Variants in ANKS1B observed in about 807,000 individuals in gnomAD.
The protein encoded by ANKS1B is ankyrin repeat and sterile alpha motif domain containing 1B, also known as ankyrin repeat and sterile alpha motif domain-containing protein 1B.
ANKS1B carries 36 observed loss-of-function variants against 148.3 expected under a neutral mutation model. The ratio of observed to expected loss-of-function variants is 0.24; its 90% confidence interval spans 0.19 to 0.32. The LOEUF is 0.32. ANKS1B is among the 10% of genes least tolerant of loss of function. ANKS1B has a pLI of 1.00. For missense variants in ANKS1B, 1,157 were observed against 1,542.6 expected, an observed-to-expected ratio of 0.75 and a Z score of 4.19; for synonymous variants, 542 against 560.8, an observed-to-expected ratio of 0.97 and a Z score of 0.47.
intron 12 of ANKS1B, among the ~76,000 whole-genome samples, chr12:99,337,174 G>C: frequency 6.6e-6 from 1 of 151,870 alleles, no homozygotes; most frequent in African/African-American, 2.4e-5. Flanking sequence ...AAATTTTGTA[G>C]GTGTGCTTCA....
In ANKS1B at chr12:99,984,697, C is replaced by G. The variant is rs924654072; in HGVS notation, c.-460G>C. The G allele has an allele frequency of 1.3e-5, 2 of 152,340 alleles. No homozygotes were observed. The highest frequency in any genetic ancestry group is 4.8e-5 in the African/African-American group (2 of 41,358). The allele number at this position is 152,340 out of a possible 1,614,324, so 9.4% of individuals were successfully genotyped here. A position where few individuals can be genotyped will look rare whatever the true frequency, so the allele number is the denominator to read the frequency against. ...AGCAGCGGCCCGCGCGCCCTCGCGC[C>G]CGACCCGGGCTCGCCTCGGCTTCCT... On this transcript the variant is annotated 5_prime_UTR_variant, in exon 1 of 27. Coordinates refer to ENST00000683438, the MANE Select transcript of ANKS1B (RefSeq NM_001352186.2).
At chr12:99,553,816 C>T (rs1172775649) in intron 9 of ANKS1B, among the ~76,000 whole-genome samples, 1 of 152,134 alleles carries the variant, frequency 6.6e-6, no homozygotes, top group East Asian at 1.9e-4. Flanking sequence ...GGAATTGACC[C>T]GAGGCCTTTA....
At chr12:99,415,693 CT>C (rs1177921459) in intron 11 of ANKS1B, among the ~76,000 whole-genome samples, 1 of 151,606 alleles carries the variant, frequency 6.6e-6, no homozygotes, top group Non-Finnish European at 1.5e-5. Flanking sequence ...TCCCATTGCC[CT>C]TTTTTTTGAG....
intron 8 of ANKS1B, among the ~76,000 whole-genome samples, chr12:99,660,363 CTTTTT>C (rs71088137): frequency 4.1e-5 from 5 of 120,596 alleles, no homozygotes; most frequent in East Asian, 2.4e-4. Context: ...TTTTCTTTTT[CTTTTT>C]TTTTTTTTTT....
At chr12:99,623,077 G>A (rs1197849515) in intron 9 of ANKS1B, among the ~76,000 whole-genome samples, 1 of 151,872 alleles carries the variant, frequency 6.6e-6, no homozygotes, top group African/African-American at 2.4e-5. Flanking sequence ...TTCATTCCTG[G>A]GATGCAAAGT....
intron 8 of ANKS1B, among the ~76,000 whole-genome samples, chr12:99,742,078 A>G (rs1944023862): frequency 6.6e-6 from 1 of 152,014 alleles, no homozygotes; most frequent in South Asian, 2.1e-4. Context: ...ATACAGCGGA[A>G]CAATACACAC....
At chr12:99,489,681 T>A (rs144908694) in intron 10 of ANKS1B, among the ~76,000 whole-genome samples, 1 of 152,186 alleles carries the variant, frequency 6.6e-6, no homozygotes, top group Non-Finnish European at 1.5e-5. Context: ...AGCATCCTCA[T>A]AGATGCCTGT....
chr12:99,021,565 T>C (rs550266392), intron 17 of ANKS1B, among the ~76,000 whole-genome samples: 11 of 152,220 alleles, frequency 7.2e-5, no homozygotes, highest in African/African-American at 2.4e-4. Flanking sequence ...AGTTACATCA[T>C]AGGCACCACA....
intron 9 of ANKS1B, among the ~76,000 whole-genome samples, chr12:99,602,390 G>C (rs548192357): frequency 1.3e-5 from 2 of 152,150 alleles, no homozygotes; most frequent in South Asian, 4.2e-4. Context: ...CATATGGTGT[G>C]AGTAATCAGA....
intron 1 of ANKS1B, among the ~76,000 whole-genome samples, chr12:99,976,446 C>CT (rs1453511576): frequency 3.9e-5 from 6 of 152,008 alleles, no homozygotes; most frequent in Non-Finnish European, 8.8e-5. Context: ...GAAAAAAACG[C>CT]TTTTTTTCTG....
intron 12 of ANKS1B, among the ~76,000 whole-genome samples, chr12:99,321,175 C>A (rs2085192507): frequency 6.6e-6 from 1 of 152,226 alleles, no homozygotes; most frequent in African/African-American, 2.4e-5. Flanking sequence ...AGGAGGCAGT[C>A]TGTCCTTTCT....
At chr12:99,877,092 AC>A (rs1265938359) in intron 1 of ANKS1B, among the ~76,000 whole-genome samples, 8 of 150,036 alleles carry the variant, frequency 5.3e-5, no homozygotes, top group Non-Finnish European at 7.4e-5. Context: ...TACCCACTTC[AC>A]CCCCCCACCC....
chr12:99,962,194 T>G (rs1237595681), intron 1 of ANKS1B, among the ~76,000 whole-genome samples: 1 of 152,234 alleles, frequency 6.6e-6, no homozygotes, highest in South Asian at 2.1e-4. Flanking sequence ...CTAAGTTCTC[T>G]TCCCTAACCC....
intron 8 of ANKS1B, among the ~76,000 whole-genome samples, chr12:99,666,782 T>C (rs2098509368): frequency 1.3e-5 from 2 of 151,998 alleles, no homozygotes; most frequent in South Asian, 4.1e-4. Flanking sequence ...GGCATATTAT[T>C]TTGCTATATG....
intron 12 of ANKS1B, among the ~76,000 whole-genome samples, chr12:99,361,866 T>G (rs1225022730): frequency 6.6e-6 from 1 of 152,040 alleles, no homozygotes; most frequent in Non-Finnish European, 1.5e-5. Flanking sequence ...TTTGAATATA[T>G]TTTCTGTTCG....
At position 99,657,659 on chromosome 12, in the gene ANKS1B, A is replaced by ATATATATATATATATATATATATATT. The variant is rs66516058; in HGVS notation, c.1129-2450_1129-2449insAATATATATATATATATATATATATA. 1.0e-3 allele frequency among the ~76,000 whole-genome samples: 148 copies of ATATATATATATATATATATATATATT among 146,810 alleles called. 1 individual carries two copies. Among genetic ancestry groups the ATATATATATATATATATATATATATT allele is most frequent in the Middle Eastern group, 3.5e-3 (1 of 286 alleles). On this transcript the variant is annotated intron_variant, in intron 8 of 26. Transcript: ENST00000683438. ...AATCTGAAAGAGTATATATATATATATGATAAAGTTGTTCACAGGAATAAA... is the reference window on the plus strand; with the variant it reads ...AATCTGAAAGAGTATATATATATATATATATATATATATATATATATATATTTGATAAAGTTGTTCACAGGAATAAA...
chr12:98,834,112 G>A (rs1344922439), intron 17 of ANKS1B, among the ~76,000 whole-genome samples: 2 of 152,110 alleles, frequency 1.3e-5, no homozygotes, highest in African/African-American at 2.4e-5. Flanking sequence ...TGTTAGCCAA[G>A]GTGAATGTCC....
chr12:99,629,261 T>C lies in ANKS1B; in HGVS notation c.1272+25806A>G, dbSNP rs370030559. ...TAAGGGCAGGTGGCTGGTAGGTAGC[T>C]AGCATAGGTTGTTGGCTGAAAAACT... On this transcript the variant is annotated intron_variant, in intron 9 of 26. Transcript: ENST00000683438. Among the ~76,000 whole-genome samples the C allele has an allele frequency of 9.2e-5, 14 of 152,324 alleles. No homozygotes were observed. The East Asian group carries it at 1.2e-3, about 13-fold the overall frequency.
chr12:99,056,058 C>T (rs1449563913), intron 16 of ANKS1B, among the ~76,000 whole-genome samples: 2 of 152,070 alleles, frequency 1.3e-5, no homozygotes, highest in Non-Finnish European at 2.9e-5. Flanking sequence ...GAGAGCACAA[C>T]TGAAGAGACC....
Sources: gnomAD v4.1 joint callset for allele counts (sites outside exome capture counted in the v4.1 genomes callset) on GRCh38, gnomAD v4.1.1 for gene constraint, MANE v1.5 for transcripts, NCBI Gene and HGNC (gene_info 2026-07-23, HGNC 2026-07-21) for gene names.